The following MCMBP variants were observed in gnomAD, a reference collection of about 807,000 sequenced individuals.
MCMBP encodes mini-chromosome maintenance complex-binding protein.
A neutral mutation model predicts 81.3 loss-of-function variants in MCMBP; 31 were observed. That is an observed-to-expected ratio of 0.38 (90% CI 0.29 to 0.51). The LOEUF is 0.51. Among genes scored for constraint, MCMBP ranks in the 20% least tolerant of loss-of-function variants. The probability of loss-of-function intolerance (pLI) is 0.87; values close to 1 mark genes in which losing one functional copy is unlikely to be tolerated. For missense variants in MCMBP, 645 were observed against 772.1 expected, an observed-to-expected ratio of 0.84 and a Z score of 1.95; for synonymous variants, 267 against 275.9, an observed-to-expected ratio of 0.97 and a Z score of 0.32.
At chr10:119,870,597 T>A (rs942903141) in intron 1 of MCMBP, among the ~76,000 whole-genome samples, 4 of 152,222 alleles carry the variant, frequency 2.6e-5, no homozygotes, top group Non-Finnish European at 4.4e-5. Context: ...AGATCTTTCC[T>A]TTTCTGCTAT....
At chr10:119,848,293 T>C (rs930940188) in intron 7 of MCMBP, among the ~76,000 whole-genome samples, 1 of 152,096 alleles carries the variant, frequency 6.6e-6, no homozygotes, top group Non-Finnish European at 1.5e-5. Context: ...CCCTGTGCCA[T>C]ATGACTTAAG....
intron 1 of MCMBP, among the ~76,000 whole-genome samples, chr10:119,866,543 T>C (rs1328101401): frequency 6.6e-6 from 1 of 152,100 alleles, no homozygotes; most frequent in African/African-American, 2.4e-5. Flanking sequence ...AGAGAATCGC[T>C]TGAACCCGGT....
chr10:119,832,925 G>C (rs1012782611), intron 14 of MCMBP, among the ~76,000 whole-genome samples: 2 of 152,180 alleles, frequency 1.3e-5, no homozygotes, highest in Non-Finnish European at 2.9e-5. Context: ...AAAACCTTAA[G>C]TATGTAACTC....
intron 1 of MCMBP, among the ~76,000 whole-genome samples, chr10:119,872,143 C>G (rs1853700026): frequency 6.6e-6 from 1 of 152,156 alleles, no homozygotes; most frequent in Non-Finnish European, 1.5e-5. Context: ...TTTCCCTCCC[C>G]GCGGCTCTGC....
intron 1 of MCMBP, among the ~76,000 whole-genome samples, chr10:119,867,370 T>C (rs1853506527): frequency 6.9e-6 from 1 of 145,628 alleles, no homozygotes; most frequent in East Asian, 2.1e-4. Context: ...GTTCATACCA[T>C]CATGTTGATT....
chr10:119,853,096 T>C lies in MCMBP; in HGVS notation c.528A>G (p.Leu176=). 2 of 1,614,226 alleles carry C rather than the reference T, an allele frequency of 1.2e-6. No homozygotes were observed. Among genetic ancestry groups the C allele is most frequent in the South Asian group, 2.2e-5 (2 of 91,086 alleles). ...RSYEDDDDMD[L]QPNKQKDQHA... ...GTTGGTCTTTCTGCTTATTGGGCTG[T>C]AGGTCCATATCGTCATCATCTTCAT... The change falls in exon 6 of 16, where the codon CTA becomes CTG. Residue 176 remains leucine, a synonymous_variant. Transcript: ENST00000369077.
chr10:119,837,630 C>A (rs36041309), intron 12 of MCMBP, among the ~76,000 whole-genome samples: 24,867 of 151,984 alleles, frequency 0.16, 2,222 homozygotes, highest in South Asian at 0.44. Context: ...GAGGTTAAAA[C>A]ATAATTAGCC....
chr10:119,840,727 C>A, intron 11 of MCMBP, 116 bp downstream of exon 11: 1 of 563,598 alleles, frequency 1.8e-6, no homozygotes, highest in Non-Finnish European at 3.0e-6. Flanking sequence ...GCTTTGTTTC[C>A]CCTTAAATAA....
In MCMBP at chr10:119,863,728, CAAAAAAAAAAAAAAAAAAA is replaced by C. The variant is rs57266961; in HGVS notation, c.59-3863_59-3845del. Among the ~76,000 whole-genome samples the C allele has an allele frequency of 5.9e-4, 12 of 20,202 alleles. No individual in the cohort carries two copies. In the South Asian group the frequency reaches 0.01, roughly 17 times the overall value. 13.3% of individuals were successfully genotyped at this position (20,202 alleles called of 152,430 possible). ...TGGGAGACAGAGTGAGGCTCAGACT[CAAAAAAAAAAAAAAAAAAA>C]AAAAAAAAAAAAAAAAAAAGCAACG... On this transcript the variant is annotated intron_variant, in intron 1 of 15. Coordinates refer to ENST00000369077, the MANE Select transcript of MCMBP (RefSeq NM_001256378.2).
At chr10:119,851,135 T>G (rs1352234991) in intron 6 of MCMBP, among the ~76,000 whole-genome samples, 1 of 152,104 alleles carries the variant, frequency 6.6e-6, no homozygotes, top group Non-Finnish European at 1.5e-5. Context: ...CCTGAAGGGC[T>G]GGGATTATAG....
rs1851990958 is a variant in MCMBP, at chr10:119,830,645, T to TAAA, written c.*826_*828dup. The TAAA allele has an allele frequency of 6.6e-6, 1 of 152,512 alleles. No homozygotes were observed. The highest frequency in any genetic ancestry group is 1.5e-5 in the Non-Finnish European group (1 of 68,018). The allele number at this position is 152,512 out of a possible 1,614,324, so 9.4% of individuals were successfully genotyped here. A position where few individuals can be genotyped will look rare whatever the true frequency, so the allele number is the denominator to read the frequency against. On this transcript the variant is annotated 3_prime_UTR_variant, in exon 16 of 16. Transcript: ENST00000369077. ...TCAAATGCACTGGGATAGGAGAAAA[T>TAAA]AAAGACAATGTAGTGTCTTGGTTTC...
chr10:119,872,227 G>A (rs1327041849), intron 1 of MCMBP, among the ~76,000 whole-genome samples: 1 of 152,006 alleles, frequency 6.6e-6, no homozygotes. Flanking sequence ...GCCACAGGCT[G>A]GGAGCGAGGC....
Position 119,853,191 on chromosome 10 carries a change from A to T in MCMBP, c.433T>A (p.Tyr145Asn), listed in dbSNP as rs187753368. ...ACTCGAGCTTGGTTTGCATTAACAT[A>T]GGCGTTAAACGAAAAGTTAAGAAAA... The part of the protein sequence containing the change: ...PGESTWVKEA[Y>N]VNANQARVSP... The change falls in exon 6 of 16, where the codon TAT becomes AAT. Residue 145 changes from tyrosine (Y) to asparagine (N), a missense_variant. Coordinates refer to ENST00000369077, the MANE Select transcript of MCMBP (RefSeq NM_001256378.2). 9.0e-5 allele frequency: 145 copies of T among 1,612,498 alleles called. No individual in the cohort carries two copies. The East Asian group carries it at 2.9e-3, about 33-fold the overall frequency.
intron 13 of MCMBP, among the ~76,000 whole-genome samples, 160 bp from the exon 14 acceptor site, chr10:119,835,864 G>A (rs970855203): frequency 6.6e-6 from 1 of 152,086 alleles, no homozygotes; most frequent in African/African-American, 2.4e-5. Flanking sequence ...TGTGAGACAG[G>A]GTTTTGTCCT....
chr10:119,834,325 G>C (rs988045630), intron 14 of MCMBP, among the ~76,000 whole-genome samples: 3 of 152,158 alleles, frequency 2.0e-5, no homozygotes, highest in African/African-American at 7.2e-5. Flanking sequence ...ACAAAATCTT[G>C]AAAGCAGTGA....
chr10:119,858,735 C>T (rs1260260697), intron 4 of MCMBP, 149 bp downstream of exon 4: 14 of 660,486 alleles, frequency 2.1e-5, no homozygotes, highest in Middle Eastern at 4.3e-4. Context: ...TCACATCAAA[C>T]TCCTAAATAA....
intron 14 of MCMBP, among the ~76,000 whole-genome samples, chr10:119,832,695 TG>T (rs550376975): frequency 3.5e-4 from 53 of 152,260 alleles, no homozygotes; most frequent in Admixed American, 7.2e-4. Flanking sequence ...GGTGGCTCCC[TG>T]GAAGGACCCA....
Position 119,853,176 on chromosome 10 carries a change from G to C in MCMBP, c.448C>G (p.Gln150Glu). Reference protein sequence around the residue: ...WVKEAYVNANQARVSPSTSYT... With the variant: ...WVKEAYVNANEARVSPSTSYT... ...GATGTTGAGGGACTGACTCGAGCTT[G>C]GTTTGCATTAACATAGGCGTTAAAC... Residue 150 changes from glutamine (Q) to glutamate (E), a missense_variant, in exon 6 of 16, where the codon CAA becomes GAA. Transcript: ENST00000369077. 6.2e-7 allele frequency: 1 copy of C among 1,613,476 alleles called. No individual in the cohort carries two copies. The highest frequency in any genetic ancestry group is 1.1e-5 in the South Asian group (1 of 90,922).
intron 10 of MCMBP, among the ~76,000 whole-genome samples, chr10:119,841,457 A>G (rs1852428665): frequency 1.3e-5 from 2 of 152,266 alleles, no homozygotes; most frequent in African/African-American, 4.8e-5. Flanking sequence ...GCTAACATTT[A>G]GGGAAATGGT....
Sources: gnomAD v4.1 joint callset for allele counts (sites outside exome capture counted in the v4.1 genomes callset) on GRCh38, gnomAD v4.1.1 for gene constraint, MANE v1.5 for transcripts, NCBI Gene and HGNC (gene_info 2026-07-23, HGNC 2026-07-21) for gene names.